Variants in TRPC7 observed in about 807,000 individuals in gnomAD.
The protein encoded by TRPC7 is transient receptor potential cation channel subfamily C member 7.
A neutral mutation model predicts 90.1 loss-of-function variants in TRPC7; 42 were observed. The ratio of observed to expected loss-of-function variants is 0.47; its 90% CI spans 0.36 to 0.60. The LOEUF (loss-of-function observed/expected upper bound fraction) is 0.60. Ranked by LOEUF, TRPC7 falls within the 20% of genes least tolerant of loss-of-function variation. TRPC7 has a pLI of 0.00. For synonymous variants in TRPC7, 451 were observed against 436.3 expected, an observed-to-expected ratio of 1.03 and a Z score of -0.42; for missense variants, 955 against 1,112.3, an observed-to-expected ratio of 0.86 and a Z score of 2.01.
chr5:136,301,947 C>G (rs866364554), intron 3 of TRPC7, among the ~76,000 whole-genome samples: 1 of 152,254 alleles, frequency 6.6e-6, no homozygotes, highest in African/African-American at 2.4e-5. Context: ...CTCACACCGA[C>G]CAGCCCAAGA....
At chr5:136,301,123 G>T (rs920675746) in intron 3 of TRPC7, among the ~76,000 whole-genome samples, 2 of 151,980 alleles carry the variant, frequency 1.3e-5, no homozygotes, top group African/African-American at 4.8e-5. Flanking sequence ...TCTGCCTCTT[G>T]GGTTCAAGCA....
chr5:136,290,430 G>A (rs943724492), intron 3 of TRPC7, among the ~76,000 whole-genome samples: 1 of 152,196 alleles, frequency 6.6e-6, no homozygotes, highest in Non-Finnish European at 1.5e-5. Flanking sequence ...AATAACCAAT[G>A]CAGAGAAGTC....
At chr5:136,240,898 C>T (rs1010285409) in intron 7 of TRPC7, among the ~76,000 whole-genome samples, 1 of 152,024 alleles carries the variant, frequency 6.6e-6, no homozygotes, top group African/African-American at 2.4e-5. Flanking sequence ...ATTATTATTG[C>T]TGCTCTTTAC....
intron 10 of TRPC7, among the ~76,000 whole-genome samples, chr5:136,220,053 A>G (rs931821244): frequency 6.6e-6 from 1 of 152,150 alleles, no homozygotes; most frequent in African/African-American, 2.4e-5. Context: ...AATTTCTTAC[A>G]CTTGTCTTTA....
chr5:136,300,220 A>T (rs540053467), intron 3 of TRPC7, among the ~76,000 whole-genome samples: 5 of 152,334 alleles, frequency 3.3e-5, no homozygotes, highest in African/African-American at 1.2e-4. Context: ...ACATTAGGGA[A>T]AGTTATGTCA....
chr5:136,278,873 A>C (rs1286999492), intron 3 of TRPC7, among the ~76,000 whole-genome samples: 1 of 152,056 alleles, frequency 6.6e-6, no homozygotes, highest in Non-Finnish European at 1.5e-5. Context: ...GGATGCCTCT[A>C]TAGACGTCTG....
intron 7 of TRPC7, among the ~76,000 whole-genome samples, chr5:136,237,003 G>A (rs888786499): frequency 6.6e-6 from 1 of 152,208 alleles, no homozygotes; most frequent in Non-Finnish European, 1.5e-5. Context: ...GGAGAATAAT[G>A]CTCACCTATC....
chr5:136,255,108 G>T (rs1262994434), intron 5 of TRPC7, among the ~76,000 whole-genome samples: 1 of 152,208 alleles, frequency 6.6e-6, no homozygotes, highest in Non-Finnish European at 1.5e-5. Flanking sequence ...AGAGTCTACT[G>T]GTGAAGATGC....
In TRPC7 at chr5:136,274,787, T is replaced by A. The variant is rs199816122; in HGVS notation, c.1014A>T (p.Glu338Asp). The A allele has an allele frequency of 1.5e-4, 242 of 1,596,484 alleles. No homozygotes were observed. The highest frequency in any genetic ancestry group is 2.0e-4 in the Non-Finnish European group (234 of 1,171,214). The change falls in exon 4 of 12, where the codon GAA becomes GAT. Residue 338 changes from glutamate (E) to aspartate (D), a missense_variant. Coordinates refer to ENST00000513104, the MANE Select transcript of TRPC7 (RefSeq NM_020389.3). ...ACTGTTGACGTAAGCCTGAGAGATT[T>A]TCATACCACATGGTAAGCAATTGCT... ...CQQQLLTMWY[E>D]NLSGLRQQSI...
intron 3 of TRPC7, among the ~76,000 whole-genome samples, chr5:136,291,985 AACTC>A (rs1436423196): frequency 1.3e-5 from 2 of 152,128 alleles, no homozygotes; most frequent in African/African-American, 4.8e-5. Flanking sequence ...AGGATTAAGA[AACTC>A]ACTCAAAACC....
Position 136,251,699 on chromosome 5 carries a change from T to C in TRPC7, c.1529A>G (p.Asp510Gly). Residue 510 changes from aspartate to glycine, a missense_variant, in exon 6 of 12, where the codon GAC becomes GGC. Physicochemically the swap from Asp to Gly is moderately conservative, Grantham distance 94. Transcript: ENST00000513104. ...QLYVDQHVQD[D>G]TLHNVSLPPE... ...CGGAAGCGAGACATTGTGCAGCGTG[T>C]CGTCCTGCACGTGCTGGTCCACGTA... 6.2e-7 allele frequency: 1 copy of C among 1,613,620 alleles called. No homozygotes were observed. Among genetic ancestry groups the C allele is most frequent in the Non-Finnish European group, 8.5e-7 (1 of 1,179,602 alleles).
chr5:136,248,222 G>C (rs1219061842), intron 6 of TRPC7, among the ~76,000 whole-genome samples: 2 of 152,224 alleles, frequency 1.3e-5, no homozygotes, highest in Admixed American at 1.3e-4. Context: ...TTGGGAGTCA[G>C]ACATCCCTGA....
intron 4 of TRPC7, among the ~76,000 whole-genome samples, chr5:136,273,201 G>A (rs750829227): frequency 1.3e-5 from 2 of 152,068 alleles, no homozygotes; most frequent in African/African-American, 4.8e-5. Flanking sequence ...CTACTCACTG[G>A]GGCTCTGGGT....
chr5:136,304,659 T>C (rs1758541779), intron 3 of TRPC7, among the ~76,000 whole-genome samples: 2 of 152,194 alleles, frequency 1.3e-5, no homozygotes, highest in Admixed American at 1.3e-4. Context: ...GCAAATTACC[T>C]GGGCTATACT....
At chr5:136,298,184 G>A (rs1758248897) in intron 3 of TRPC7, among the ~76,000 whole-genome samples, 1 of 152,150 alleles carries the variant, frequency 6.6e-6, no homozygotes, top group Non-Finnish European at 1.5e-5. Flanking sequence ...TTCAGATCGG[G>A]TGGTCAGGAG....
At chr5:136,363,765 C>T (rs1017913989) in intron 1 of TRPC7, among the ~76,000 whole-genome samples, 6 of 152,056 alleles carry the variant, frequency 3.9e-5, no homozygotes, top group African/African-American at 1.4e-4. Context: ...TCAGTTTTTT[C>T]AAACTGTCCT....
intron 2 of TRPC7, among the ~76,000 whole-genome samples, chr5:136,317,878 A>T (rs116236406): frequency 5.4e-4 from 82 of 152,312 alleles, no homozygotes; most frequent in Non-Finnish European, 1.0e-3. Flanking sequence ...GCTTCCTCAC[A>T]TATCTGGGTT....
chr5:136,247,466 C>A lies in TRPC7; in HGVS notation c.1844+5G>T. 1 of 1,605,712 alleles carries A rather than the reference C, an allele frequency of 6.2e-7. No homozygotes were observed. The highest frequency in any genetic ancestry group is 8.5e-7 in the Non-Finnish European group (1 of 1,174,750). On this transcript the variant is annotated splice_donor_5th_base_variant and intron_variant, in intron 7 of 11. Coordinates refer to ENST00000513104, the MANE Select transcript of TRPC7 (RefSeq NM_020389.3). The surrounding 1 kb of genome is among the most constrained non-coding windows in gnomAD (Gnocchi z 4.2). ...AACCTCAGGGGAAAGCTCTCAGATA[C>A]TCACGTTGTAAACGCTGGGTTGTAT...
intron 1 of TRPC7, among the ~76,000 whole-genome samples, chr5:136,361,022 A>G (rs561448590): frequency 5.2e-4 from 79 of 152,302 alleles, no homozygotes; most frequent in Non-Finnish European, 7.4e-4. Flanking sequence ...AATCCACAAA[A>G]GATGCTGTGT....
Sources: allele counts gnomAD v4.1 joint callset (sites outside exome capture counted in the v4.1 genomes callset), GRCh38; gene constraint gnomAD v4.1.1; non-coding constraint Gnocchi (gnomAD v3.1); transcripts MANE v1.5; gene names NCBI Gene and HGNC (gene_info 2026-07-23, HGNC 2026-07-21).